ZMYND8: variants seen among roughly 807,000 people sequenced by gnomAD.
The protein encoded by ZMYND8 is MYND-type zinc finger-containing chromatin reader ZMYND8.
Under a neutral mutation model 140.8 loss-of-function variants are expected in ZMYND8, and 37 were observed. The ratio of observed to expected loss-of-function variants is 0.26; its 90% CI spans 0.20 to 0.35. The LOEUF (loss-of-function observed/expected upper bound fraction) is 0.35, where lower values mean the gene tolerates loss of function less well. Among genes scored for constraint, ZMYND8 ranks in the 10% least tolerant of loss-of-function variants. ZMYND8 has a pLI of 1.00. For missense variants in ZMYND8, 1,068 were observed against 1,570.0 expected, an observed-to-expected ratio of 0.68 and a Z score of 5.40; for synonymous variants, 592 against 597.1, an observed-to-expected ratio of 0.99 and a Z score of 0.12.
At chr20:47,350,448 T>G (rs184022740) in intron 1 of ZMYND8, among the ~76,000 whole-genome samples, 142 of 151,674 alleles carry the variant, frequency 9.4e-4, no homozygotes, top group African/African-American at 3.2e-3. Flanking sequence ...CTGATTTCGG[T>G]TTTTTTGTGT....
intron 2 of ZMYND8, among the ~76,000 whole-genome samples, chr20:47,340,231 G>A (rs2081734401): frequency 3.9e-5 from 6 of 152,074 alleles, no homozygotes; most frequent in Admixed American, 3.3e-4. Context: ...ACAGGCATAA[G>A]CCACCCAGCC....
intron 21 of ZMYND8, among the ~76,000 whole-genome samples, chr20:47,218,115 C>T (rs942769014): frequency 6.6e-6 from 1 of 152,196 alleles, no homozygotes; most frequent in African/African-American, 2.4e-5. Context: ...ACCTAAAATA[C>T]TTACTAAATG....
chr20:47,216,001 G>T (rs2036038171), intron 21 of ZMYND8, among the ~76,000 whole-genome samples: 1 of 152,198 alleles, frequency 6.6e-6, no homozygotes, highest in Non-Finnish European at 1.5e-5. Context: ...CTACAACAAA[G>T]GATGCAGATG....
chr20:47,216,494 T>C (rs2036125804), intron 21 of ZMYND8, among the ~76,000 whole-genome samples: 1 of 16,318 alleles, frequency 6.1e-5, no homozygotes, highest in Non-Finnish European at 1.0e-4. Flanking sequence ...AGACTCTGTC[T>C]CAAAAAAAAA....
intron 11 of ZMYND8, among the ~76,000 whole-genome samples, chr20:47,273,703 G>C (rs1440028355): frequency 6.6e-6 from 1 of 152,190 alleles, no homozygotes; most frequent in African/African-American, 2.4e-5. Flanking sequence ...CACAATCACA[G>C]GTCATTGTGG....
chr20:47,303,856 G>C (rs1042419760), intron 3 of ZMYND8, among the ~76,000 whole-genome samples: 2 of 152,296 alleles, frequency 1.3e-5, no homozygotes, highest in Admixed American at 1.3e-4. Flanking sequence ...GCTGGGGCTG[G>C]CTGCCCCTAG....
intron 2 of ZMYND8, among the ~76,000 whole-genome samples, chr20:47,323,731 C>G (rs535967645): frequency 6.6e-6 from 1 of 152,226 alleles, no homozygotes; most frequent in Admixed American, 6.5e-5. Flanking sequence ...CCCAGCCCCA[C>G]CCCACCTCCA....
At chr20:47,340,068 G>A (rs903519555) in intron 2 of ZMYND8, among the ~76,000 whole-genome samples, 1 of 151,414 alleles carries the variant, frequency 6.6e-6, no homozygotes, top group African/African-American at 2.5e-5. Context: ...TCAGCCTCCT[G>A]AGTAGCTGAG....
intron 16 of ZMYND8, among the ~76,000 whole-genome samples, chr20:47,230,956 T>G (rs186963017): frequency 6.6e-6 from 1 of 152,360 alleles, no homozygotes; most frequent in East Asian, 1.9e-4. Context: ...CAAGGTCCTC[T>G]GTGACTCGCG....
In ZMYND8 at chr20:47,329,129, C is replaced by A. The variant is rs557119291; in HGVS notation, c.85+18727G>T. ...CTCAGGAGGCAATGACCAAGCAAAA[C>A]TTAAAACTCAATAATCATGCATGGA... On this transcript the variant is annotated intron_variant, in intron 2 of 22. Coordinates refer to ENST00000471951, the MANE Select transcript of ZMYND8 (RefSeq NM_001281775.3). Among the ~76,000 whole-genome samples the A allele has an allele frequency of 7.2e-5, 11 of 152,328 alleles. No individual in the cohort carries two copies. The East Asian group carries it at 1.9e-3, about 27-fold the overall frequency.
chr20:47,308,665 G>C (rs1347944855), intron 3 of ZMYND8, among the ~76,000 whole-genome samples: 3 of 152,164 alleles, frequency 2.0e-5, no homozygotes, highest in Non-Finnish European at 4.4e-5. Context: ...TGTGAAATTT[G>C]TGGTAGTATC....
At chr20:47,347,132 G>C (rs185184044) in intron 2 of ZMYND8, among the ~76,000 whole-genome samples, 85 of 152,272 alleles carry the variant, frequency 5.6e-4, no homozygotes, top group Middle Eastern at 6.8e-3. Context: ...CAACCATTAA[G>C]TTTGGAGATG....
At chr20:47,301,371 G>A (rs774052401) in intron 3 of ZMYND8, among the ~76,000 whole-genome samples, 27 of 151,944 alleles carry the variant, frequency 1.8e-4, no homozygotes, top group South Asian at 6.3e-4. Context: ...GGCCAGGATG[G>A]TCTCGAACTC....
chr20:47,292,098 A>G (rs2077302331), intron 5 of ZMYND8, among the ~76,000 whole-genome samples: 1 of 152,202 alleles, frequency 6.6e-6, no homozygotes, highest in Admixed American at 6.5e-5. Flanking sequence ...ATTGTGATCC[A>G]ATTTTATTCT....
At chr20:47,306,321 G>C (rs547782551) in intron 3 of ZMYND8, among the ~76,000 whole-genome samples, 12 of 152,178 alleles carry the variant, frequency 7.9e-5, no homozygotes, top group African/African-American at 2.9e-4. Flanking sequence ...CTTGAGCCGG[G>C]GAGGTCGAGC....
At chr20:47,350,260 GCA>G (rs1454830959) in intron 1 of ZMYND8, among the ~76,000 whole-genome samples, 1 of 142,888 alleles carries the variant, frequency 7.0e-6, no homozygotes, top group Non-Finnish European at 1.5e-5. Flanking sequence ...ACACATGCAC[GCA>G]CACTCACACA....
At chr20:47,294,205 T>C (rs1264668866) in intron 5 of ZMYND8, among the ~76,000 whole-genome samples, 1 of 142,472 alleles carries the variant, frequency 7.0e-6, no homozygotes, top group African/African-American at 2.5e-5. Flanking sequence ...AAAAAAAAAA[T>C]AGCCAGTGCG....
Position 47,227,264 on chromosome 20 carries a change from G to A in ZMYND8, c.2955C>T (p.Ile985=), listed in dbSNP as rs1215749329. 4.3e-6 allele frequency: 7 copies of A among 1,614,134 alleles called. No homozygotes were observed. The East Asian group carries it at 6.7e-5, about 15-fold the overall frequency. ...GCAGCCACTGGAGCTTCTCTATCTCGATCCTCAGCCTGCGAATCTGGAAGA... is the reference window on the plus strand; with the variant it reads ...GCAGCCACTGGAGCTTCTCTATCTCAATCCTCAGCCTGCGAATCTGGAAGA... ...STIAEIRRLR[I]EIEKLQWLHQ... The change falls in exon 18 of 23, where the codon ATC becomes ATT. Residue 985 remains isoleucine, a synonymous_variant. Coordinates refer to ENST00000471951, the MANE Select transcript of ZMYND8 (RefSeq NM_001281775.3).
In ZMYND8 at chr20:47,246,204, G is replaced by A. The variant is rs143651717; in HGVS notation, c.2088C>T (p.Ser696=). ...GGTGAGGTGAAGGTTTTGCCTTTTC[G>A]GAAAAGTCCTTCTCAGGCTCAGGGC... The part of the protein sequence containing the change: ...KASPEPEKDF[S]EKAKPSPHPI... Residue 696 remains serine (S), a synonymous_variant, in exon 14 of 23, where the codon TCC becomes TCT. Transcript: ENST00000471951. 1.0e-4 allele frequency: 162 copies of A among 1,613,864 alleles called. No individual in the cohort carries two copies. The highest frequency in any genetic ancestry group is 1.3e-4 in the Non-Finnish European group (150 of 1,180,014).
Sources: gnomAD v4.1 joint callset for allele counts (sites outside exome capture counted in the v4.1 genomes callset) on GRCh38, gnomAD v4.1.1 for gene constraint, MANE v1.5 for transcripts, NCBI Gene and HGNC (gene_info 2026-07-23, HGNC 2026-07-21) for gene names.